The following LRP12 variants were observed in gnomAD, a reference collection of about 807,000 sequenced individuals.
LRP12 encodes the protein low-density lipoprotein receptor-related protein 12.
In LRP12, 14 loss-of-function variants were observed where a neutral mutation model predicts 66.0. The observed-to-expected ratio is 0.21, with a 90% CI of 0.14 to 0.33. The LOEUF (loss-of-function observed/expected upper bound fraction) is 0.33. Ranked by LOEUF, LRP12 falls within the 10% of genes least tolerant of loss-of-function variation. The pLI is 1.00. For missense variants in LRP12, 889 were observed against 1,053.4 expected (o/e 0.84, Z 2.16); for synonymous variants, 357 against 359.1 (o/e 0.99, Z 0.07).
chr8:104,547,666 C>G (rs1312489653), intron 1 of LRP12, among the ~76,000 whole-genome samples: 4 of 111,770 alleles, frequency 3.6e-5, no homozygotes, highest in Admixed American at 3.1e-4. Flanking sequence ...TAATATAATT[C>G]TATATTATAT....
At chr8:104,523,101 C>A (rs891329177) in intron 2 of LRP12, among the ~76,000 whole-genome samples, 3 of 152,020 alleles carry the variant, frequency 2.0e-5, no homozygotes, top group African/African-American at 7.2e-5. Flanking sequence ...ATAAAAAAGG[C>A]TAGATATACA....
intron 1 of LRP12, among the ~76,000 whole-genome samples, chr8:104,573,714 A>G (rs1016189197): frequency 1.3e-5 from 2 of 151,938 alleles, no homozygotes; most frequent in Non-Finnish European, 2.9e-5. Context: ...GGAACACTAG[A>G]ATCTTTTATA....
intron 1 of LRP12, among the ~76,000 whole-genome samples, chr8:104,542,994 A>AATATAAATATATATAT (rs544043214): frequency 3.4e-4 from 49 of 144,138 alleles, no homozygotes; most frequent in African/African-American, 1.3e-3. Context: ...AACACACACA[A>AATATAAATATATATAT]ATATATATAT....
At chr8:104,582,704 T>C (rs898095110) in intron 1 of LRP12, among the ~76,000 whole-genome samples, 9 of 152,142 alleles carry the variant, frequency 5.9e-5, no homozygotes, top group Non-Finnish European at 1.2e-4. Context: ...GTCCATCTCT[T>C]CCTGTCATCT....
chr8:104,583,125 C>A (rs965360180), intron 1 of LRP12, among the ~76,000 whole-genome samples: 4 of 152,140 alleles, frequency 2.6e-5, no homozygotes, highest in African/African-American at 4.8e-5. Context: ...AACTGATCAT[C>A]CCATCTCTAC....
At chr8:104,562,332 T>G (rs929758518) in intron 1 of LRP12, among the ~76,000 whole-genome samples, 1 of 152,156 alleles carries the variant, frequency 6.6e-6, no homozygotes, top group Non-Finnish European at 1.5e-5. Flanking sequence ...TAATTCTACT[T>G]TTATAAACCA....
In LRP12 at chr8:104,517,172, T is replaced by C. The variant is rs376930313; in HGVS notation, c.137-8098A>G. Among the ~76,000 whole-genome samples, 35 of 149,940 alleles carry C rather than the reference T, an allele frequency of 2.3e-4. No individual in the cohort carries two copies. In the South Asian group the frequency reaches 7.3e-3, roughly 31 times the overall value. ...TTTTTAACTGAATCCAAGAAGCATA[T>C]AACAGTTAATATGACAGCATACCAG... is the stretch of plus-strand genomic sequence containing the variant. On this transcript the variant is annotated intron_variant, in intron 2 of 6. Coordinates refer to ENST00000276654, the MANE Select transcript of LRP12 (RefSeq NM_013437.5).
intron 1 of LRP12, among the ~76,000 whole-genome samples, chr8:104,532,373 TAA>T (rs34023849): frequency 3.3e-4 from 43 of 130,992 alleles, no homozygotes; most frequent in Admixed American, 4.7e-4. Flanking sequence ...TGTTGGTACT[TAA>T]AAAAAAAAAA....
chr8:104,516,009 C>T (rs1189794675), intron 2 of LRP12, among the ~76,000 whole-genome samples: 2 of 152,162 alleles, frequency 1.3e-5, no homozygotes, highest in African/African-American at 4.8e-5. Flanking sequence ...TCTCCTTGGC[C>T]TCCCAGAGTA....
At chr8:104,553,656 T>A (rs971647913) in intron 1 of LRP12, among the ~76,000 whole-genome samples, 1 of 152,172 alleles carries the variant, frequency 6.6e-6, no homozygotes, top group African/African-American at 2.4e-5. Flanking sequence ...TTTTTCTACC[T>A]GCCTGGTAGC....
At chr8:104,530,178 A>G (rs1025774166) in intron 2 of LRP12, among the ~76,000 whole-genome samples, 1 of 152,178 alleles carries the variant, frequency 6.6e-6, no homozygotes. Flanking sequence ...ACAAATTCTC[A>G]GTTTTAATTT....
At chr8:104,504,573 A>G (rs1810876810) in intron 3 of LRP12, 1 of 152,168 alleles carries the variant, frequency 6.6e-6, no homozygotes, top group Non-Finnish European at 1.5e-5. Context: ...ATTTAGGAAT[A>G]TATTTCTAAA....
chr8:104,536,192 T>C (rs1038047847), intron 1 of LRP12, among the ~76,000 whole-genome samples: 1 of 152,114 alleles, frequency 6.6e-6, no homozygotes, highest in Non-Finnish European at 1.5e-5. Flanking sequence ...TGTGACCCAC[T>C]TTCCCATTCT....
At chr8:104,577,941 A>G (rs1812191276) in intron 1 of LRP12, among the ~76,000 whole-genome samples, 1 of 152,138 alleles carries the variant, frequency 6.6e-6, no homozygotes, top group Non-Finnish European at 1.5e-5. Flanking sequence ...GCCCACATCA[A>G]AAAGTTAGAA....
intron 1 of LRP12, among the ~76,000 whole-genome samples, chr8:104,556,161 G>T (rs1399961355): frequency 3.9e-5 from 6 of 152,066 alleles, no homozygotes; most frequent in African/African-American, 1.4e-4. Context: ...CAAAAGCAGT[G>T]CTATGAGGAA....
intron 2 of LRP12, among the ~76,000 whole-genome samples, chr8:104,524,137 G>A (rs747406051): frequency 1.1e-4 from 17 of 151,668 alleles, no homozygotes; most frequent in Non-Finnish European, 2.5e-4. Flanking sequence ...AGCTACTCGG[G>A]AGGCTGAGGT....
chr8:104,561,535 A>G (rs1811907061), intron 1 of LRP12, among the ~76,000 whole-genome samples: 1 of 152,214 alleles, frequency 6.6e-6, no homozygotes, highest in Non-Finnish European at 1.5e-5. Context: ...AAATTCTGCA[A>G]AGAAGTTTCC....
intron 4 of LRP12, 146 bp from the exon 5 acceptor site, chr8:104,498,222 A>G: frequency 1.3e-6 from 1 of 795,274 alleles, no homozygotes; most frequent in Non-Finnish European, 1.9e-6. Context: ...TGGTTTTTTA[A>G]TATTTTAATT....
chr8:104,548,331 TTATATAAA>T lies in LRP12; in HGVS notation c.80-16376_80-16369del, dbSNP rs1339569321. 4.9e-3 allele frequency among the ~76,000 whole-genome samples: 42 copies of T among 8,620 alleles called. 4 individuals carry two copies. The highest frequency in any genetic ancestry group is 0.034 in the African/African-American group (27 of 788). 5.7% of individuals were successfully genotyped at this position (8,620 alleles called of 152,430 possible). On this transcript the variant is annotated intron_variant, in intron 1 of 6. Coordinates refer to ENST00000276654, the MANE Select transcript of LRP12 (RefSeq NM_013437.5). ...ATATTATATAAATATATAATATATA[TTATATAAA>T]TATATAAATATATAATATATATTAT... is the stretch of plus-strand genomic sequence containing the variant.
Sources: gnomAD v4.1 joint callset for allele counts (sites outside exome capture counted in the v4.1 genomes callset) on GRCh38, gnomAD v4.1.1 for gene constraint, MANE v1.5 for transcripts, NCBI Gene and HGNC (gene_info 2026-07-23, HGNC 2026-07-21) for gene names.